The following RAD54L2 variants were observed in gnomAD, a reference collection of about 807,000 sequenced individuals.
The protein encoded by RAD54L2 is helicase ARIP4.
RAD54L2 carries 27 observed loss-of-function variants against 138.4 expected under a neutral mutation model. That is an observed-to-expected ratio of 0.20 (90% CI 0.14 to 0.27). The LOEUF is 0.27. Among genes scored for constraint, RAD54L2 ranks in the 10% least tolerant of loss-of-function variants. The pLI, the probability that RAD54L2 is intolerant of heterozygous loss-of-function variation, is 1.00. For synonymous variants in RAD54L2, 644 were observed against 723.2 expected, an observed-to-expected ratio of 0.89 and a Z score of 1.76; for missense variants, 1,396 against 1,890.2, an observed-to-expected ratio of 0.74 and a Z score of 4.85.
At position 51,662,229 on chromosome 3, in the gene RAD54L2, G is replaced by T. The variant is rs1299968365; in HGVS notation, c.3410-197G>T. 6.6e-6 allele frequency among the ~76,000 whole-genome samples: 1 copy of T among 152,124 alleles called. No individual in the cohort carries two copies. Among genetic ancestry groups the T allele is most frequent in the Non-Finnish European group, 1.5e-5 (1 of 68,012 alleles). ...GGGGTGCAGAAAAGTTACATGCCTT[G>T]TCATAGATAGACCTATTTCTGGGAT... On this transcript the variant is annotated intron_variant, in intron 22 of 22. Transcript: ENST00000684192. The surrounding 1 kb of genome is among the most constrained non-coding windows in gnomAD (Gnocchi z 4.6).
At chr3:51,540,112 T>C (rs1224053045) in intron 1 of RAD54L2, among the ~76,000 whole-genome samples, 1 of 152,254 alleles carries the variant, frequency 6.6e-6, no homozygotes, top group Non-Finnish European at 1.5e-5. Context: ...ATCATACATG[T>C]AAGTTCCAGG....
At chr3:51,589,408 AAAAT>A (rs936142230) in intron 2 of RAD54L2, among the ~76,000 whole-genome samples, 20 of 152,110 alleles carry the variant, frequency 1.3e-4, no homozygotes, top group Admixed American at 7.2e-4. Context: ...ACCTTGTCTA[AAAAT>A]AAATAAATAA....
intron 3 of RAD54L2, among the ~76,000 whole-genome samples, chr3:51,615,088 A>T (rs2106767458): frequency 6.6e-6 from 1 of 152,122 alleles, no homozygotes; most frequent in East Asian, 1.9e-4. Context: ...ATCTTGGCTC[A>T]TTGCAATCTC....
intron 3 of RAD54L2, among the ~76,000 whole-genome samples, chr3:51,594,667 A>G (rs1386214313): frequency 6.6e-6 from 1 of 152,060 alleles, no homozygotes; most frequent in Non-Finnish European, 1.5e-5. Flanking sequence ...AAGGACAGTT[A>G]GAAGTAACAG....
chr3:51,642,590 C>T (rs1701166974), intron 15 of RAD54L2, among the ~76,000 whole-genome samples: 1 of 152,090 alleles, frequency 6.6e-6, no homozygotes, highest in Non-Finnish European at 1.5e-5. Flanking sequence ...TATTATACGA[C>T]ATTTAGTAGC....
chr3:51,617,225 C>T (rs1700464806), intron 3 of RAD54L2, among the ~76,000 whole-genome samples: 1 of 152,030 alleles, frequency 6.6e-6, no homozygotes, highest in Non-Finnish European at 1.5e-5. Context: ...GTTTTCGTTT[C>T]TCTTAGATAA....
chr3:51,618,004 G>A (rs1344543720), intron 3 of RAD54L2, among the ~76,000 whole-genome samples: 1 of 151,948 alleles, frequency 6.6e-6, no homozygotes, highest in African/African-American at 2.4e-5. Flanking sequence ...TGTCGCTCAG[G>A]CTGGAGTGCA....
intron 20 of RAD54L2, among the ~76,000 whole-genome samples, chr3:51,656,829 G>A (rs1701612570): frequency 6.6e-6 from 1 of 151,414 alleles, no homozygotes; most frequent in South Asian, 2.1e-4. Flanking sequence ...CTGCACTCCT[G>A]GGCTCAAGCG....
chr3:51,651,170 A>G (rs1216611323), intron 19 of RAD54L2, among the ~76,000 whole-genome samples: 1 of 152,238 alleles, frequency 6.6e-6, no homozygotes. Flanking sequence ...CTATGCAAAT[A>G]AACTAGAAAA....
intron 2 of RAD54L2, among the ~76,000 whole-genome samples, chr3:51,586,528 G>C (rs1699713068): frequency 6.6e-6 from 1 of 150,682 alleles, no homozygotes; most frequent in Non-Finnish European, 1.5e-5. Context: ...AATTAAAAAT[G>C]GTTCTCTAAA....
Position 51,662,373 on chromosome 3 carries a change from C to A in RAD54L2, c.3410-53C>A. The A allele has an allele frequency of 4.9e-6, 7 of 1,435,756 alleles. No individual in the cohort carries two copies. Among genetic ancestry groups the A allele is most frequent in the South Asian group, 4.5e-5 (3 of 66,468 alleles). 88.9% of individuals were successfully genotyped at this position (1,435,756 alleles called of 1,614,324 possible). A position where few individuals can be genotyped will look rare whatever the true frequency, so the allele number is the denominator to read the frequency against. Reference sequence around the variant, plus strand: ...TTTTAATGGAGTTTTCTCCTCTACCCTTCTTCTCTCCCTGGCCACTCTGAT... The same window carrying A: ...TTTTAATGGAGTTTTCTCCTCTACCATTCTTCTCTCCCTGGCCACTCTGAT... On this transcript the variant is annotated intron_variant, in intron 22 of 22. Transcript: ENST00000684192. This position sits in a 1 kb window ranked among gnomAD's most constrained non-coding sequence, Gnocchi z 4.6.
At chr3:51,542,948 A>T (rs17051811) in intron 2 of RAD54L2, among the ~76,000 whole-genome samples, 10,336 of 152,102 alleles carry the variant, frequency 0.068, 911 homozygotes, top group East Asian at 0.33. Flanking sequence ...ACCAGGCAGC[A>T]TTGTGTTCTA....
chr3:51,649,719 A>G (rs1178623660), intron 19 of RAD54L2, among the ~76,000 whole-genome samples: 1 of 152,022 alleles, frequency 6.6e-6, no homozygotes, highest in Non-Finnish European at 1.5e-5. Flanking sequence ...TGAAGGAGAA[A>G]TAAAATCCTC....
At chr3:51,660,152 A>ATTT in intron 22 of RAD54L2, 34 bp downstream of exon 22, 1 of 1,532,590 alleles carries the variant, frequency 6.5e-7, no homozygotes, top group South Asian at 1.2e-5. Flanking sequence ...TTTACTTTTC[A>ATTT]AACAACATTT....
chr3:51,599,157 G>C (rs942676887), intron 3 of RAD54L2, among the ~76,000 whole-genome samples: 1 of 152,184 alleles, frequency 6.6e-6, no homozygotes, highest in Non-Finnish European at 1.5e-5. Context: ...GTCGCTTGGT[G>C]GTGGGGAGAA....
At chr3:51,639,725 C>G in intron 13 of RAD54L2, 55 bp downstream of exon 13, 1 of 1,595,424 alleles carries the variant, frequency 6.3e-7, no homozygotes, top group Non-Finnish European at 8.5e-7. Flanking sequence ...AGGGATGGTG[C>G]AAGCCCTGCC....
rs1485049325 is a variant in RAD54L2, at chr3:51,639,585, G to T, written c.2027G>T (p.Gly676Val). The change falls in exon 13 of 23, where the codon GGA becomes GTA. Residue 676 changes from glycine (G) to valine (V), a missense_variant. By Grantham distance (109) the Gly-to-Val change is moderately radical. Around this residue, in one of 7 missense-constraint regions of RAD54L2, gnomAD observed 211 missense variants for 273.8 expected, o/e 0.77. Coordinates refer to ENST00000684192, the MANE Select transcript of RAD54L2 (RefSeq NM_015106.4). ...GEDSTLASSM[G>V]EATNSKFLQG... The stretch of plus-strand genomic sequence containing the variant: ...GATAGCACCTTGGCTTCCTCGATGG[G>T]AGAGGCAACCAATAGCAAGTTCCTA... 15 of 1,613,892 alleles carry T rather than the reference G, an allele frequency of 9.3e-6. No homozygotes were observed. The highest frequency in any genetic ancestry group is 8.3e-5 in the Admixed American group (5 of 59,994).
At position 51,636,847 on chromosome 3, in the gene RAD54L2, C is replaced by T. The variant is rs538825886; in HGVS notation, c.1340-314C>T. ...ACTTGGGAGGCTGAGGCAGGAGAAT[C>T]GCTTGAACCCGGGAGGCAGAGGTTG... On this transcript the variant is annotated intron_variant, in intron 10 of 22. Coordinates refer to ENST00000684192, the MANE Select transcript of RAD54L2 (RefSeq NM_015106.4). Among the ~76,000 whole-genome samples, 390 of 152,126 alleles carry T rather than the reference C, an allele frequency of 2.6e-3. 2 individuals are homozygous for T. The highest frequency in any genetic ancestry group is 6.8e-3 in the Middle Eastern group (2 of 294).
At chr3:51,598,171 G>GTT (rs1211624309) in intron 3 of RAD54L2, among the ~76,000 whole-genome samples, 1 of 144,942 alleles carries the variant, frequency 6.9e-6, no homozygotes, top group Admixed American at 7.1e-5. Flanking sequence ...GTGTGTGTGT[G>GTT]TGTGTGTATA....
Sources: allele counts gnomAD v4.1 joint callset (sites outside exome capture counted in the v4.1 genomes callset), GRCh38; gene constraint gnomAD v4.1.1; regional missense constraint gnomAD v4.1.1; non-coding constraint Gnocchi (gnomAD v3.1); transcripts MANE v1.5; gene names NCBI Gene and HGNC (gene_info 2026-07-23, HGNC 2026-07-21).